LHPP: variants seen among roughly 807,000 people sequenced by gnomAD.
LHPP encodes the protein hLHPP.
Under a neutral mutation model 30.3 loss-of-function variants are expected in LHPP, and 24 were observed. The ratio of observed to expected loss-of-function variants is 0.79; its 90% confidence interval spans 0.57 to 1.11. LHPP has a LOEUF of 1.11. LHPP is among the 50% of genes most tolerant of loss of function. LHPP has a pLI of 0.00. For synonymous variants in LHPP, 150 were observed against 157.1 expected (o/e 0.95, Z 0.34); for missense variants, 356 against 367.2 (o/e 0.97, Z 0.25).
chr10:124,484,419 C>T, intron 2 of LHPP, 93 bp downstream of exon 2: 1 of 1,232,858 alleles, frequency 8.1e-7, no homozygotes, highest in Non-Finnish European at 1.2e-6. Flanking sequence ...CTGGGCCAAA[C>T]CACTGACTGA....
chr10:124,578,522 C>T (rs1589688639), intron 6 of LHPP, among the ~76,000 whole-genome samples: 1 of 152,248 alleles, frequency 6.6e-6, no homozygotes, highest in East Asian at 1.9e-4. Context: ...ACGGTTACCA[C>T]TGGTGTGACG....
chr10:124,583,119 TTAAAGCATA>T (rs1948762125), intron 6 of LHPP, among the ~76,000 whole-genome samples: 1 of 152,218 alleles, frequency 6.6e-6, no homozygotes, highest in African/African-American at 2.4e-5. Context: ...ATGTTGTTTT[TTAAAGCATA>T]AAAGTTTTTA....
intron 6 of LHPP, among the ~76,000 whole-genome samples, chr10:124,534,833 G>T (rs772192368): frequency 3.9e-5 from 6 of 152,200 alleles, no homozygotes; most frequent in Non-Finnish European, 7.4e-5. Flanking sequence ...TGACCTGACC[G>T]TATAAAGTAG....
At chr10:124,572,359 G>A (rs1163713060) in intron 6 of LHPP, among the ~76,000 whole-genome samples, 7 of 152,052 alleles carry the variant, frequency 4.6e-5, no homozygotes, top group Non-Finnish European at 7.4e-5. Flanking sequence ...GACCAGGTGC[G>A]GTGGCTCACG....
chr10:124,608,717 C>T (rs1199290487), intron 6 of LHPP, among the ~76,000 whole-genome samples: 1 of 152,240 alleles, frequency 6.6e-6, no homozygotes, highest in East Asian at 1.9e-4. Context: ...ACCTGCCTAC[C>T]CAGCTTGCCG....
chr10:124,488,447 C>A lies in LHPP; in HGVS notation c.339C>A (p.Ile113=). The A allele has an allele frequency of 6.2e-7, 1 of 1,613,970 alleles. No homozygotes were observed. The highest frequency in any genetic ancestry group is 8.5e-7 in the Non-Finnish European group (1 of 1,179,968). ...HDGVRSEFDQ[I]DTSNPNCVVI... The stretch of plus-strand genomic sequence containing the variant: ...GAGTCCGCTCAGAATTTGATCAGAT[C>A]GACACATCCAACCCAAACTGTGTGG... Residue 113 remains isoleucine (I), a synonymous_variant, in exon 3 of 7, where the codon ATC becomes ATA. Coordinates refer to ENST00000368842, the MANE Select transcript of LHPP (RefSeq NM_022126.4).
chr10:124,468,967 A>C (rs938691579), intron 1 of LHPP, among the ~76,000 whole-genome samples: 1 of 152,204 alleles, frequency 6.6e-6, no homozygotes, highest in Non-Finnish European at 1.5e-5. Flanking sequence ...CCAGAGATGC[A>C]GGACACCTGT....
chr10:124,578,258 G>C (rs573774584), intron 6 of LHPP, among the ~76,000 whole-genome samples: 12 of 152,206 alleles, frequency 7.9e-5, no homozygotes, highest in Non-Finnish European at 1.6e-4. Context: ...GACCAAGTCC[G>C]TGCAGGGGCT....
intron 6 of LHPP, among the ~76,000 whole-genome samples, chr10:124,525,792 C>T (rs1200157597): frequency 6.6e-6 from 1 of 152,194 alleles, no homozygotes; most frequent in African/African-American, 2.4e-5. Flanking sequence ...TGGTACTGAC[C>T]CTCATTAGCA....
At chr10:124,568,535 G>A (rs55791820) in intron 6 of LHPP, among the ~76,000 whole-genome samples, 5 of 152,156 alleles carry the variant, frequency 3.3e-5, no homozygotes, top group African/African-American at 7.2e-5. Context: ...CCGCGGTGGC[G>A]TGGAGAGGTG....
At chr10:124,546,527 C>T (rs542594770) in intron 6 of LHPP, among the ~76,000 whole-genome samples, 6 of 152,166 alleles carry the variant, frequency 3.9e-5, no homozygotes, top group Non-Finnish European at 5.9e-5. Flanking sequence ...CTCACCCTCC[C>T]GAGTAGCTGG....
intron 4 of LHPP, 43 bp downstream of exon 4, chr10:124,497,067 G>C (rs1480367252): frequency 1.3e-6 from 2 of 1,528,202 alleles, no homozygotes; most frequent in Non-Finnish European, 1.8e-6. Context: ...CAGACCTCAG[G>C]GCACCTGGGA....
At chr10:124,508,639 T>C (rs2133897705) in intron 5 of LHPP, among the ~76,000 whole-genome samples, 1 of 152,088 alleles carries the variant, frequency 6.6e-6, no homozygotes, top group East Asian at 1.9e-4. Flanking sequence ...AACACAAGTA[T>C]TTAAAATATC....
intron 5 of LHPP, among the ~76,000 whole-genome samples, chr10:124,509,982 G>A (rs184038631): frequency 6.6e-6 from 1 of 152,240 alleles, no homozygotes; most frequent in Non-Finnish European, 1.5e-5. Context: ...GGGCAGGCAG[G>A]CAGATGCGTA....
chr10:124,611,022 AGGGTGCTGATGGAGCGGGTGC>A (rs1230351444), intron 6 of LHPP, among the ~76,000 whole-genome samples: 1 of 112,954 alleles, frequency 8.9e-6, no homozygotes, highest in Non-Finnish European at 2.0e-5. Flanking sequence ...GGTGCGGGTG[AGGGTGCTGATGGAGCGGGTGC>A]GGGTGAGGGG....
At chr10:124,498,155 CA>C (rs751604342) in intron 5 of LHPP, 27 bp downstream of exon 5, 7 of 1,407,996 alleles carry the variant, frequency 5.0e-6, no homozygotes, top group Non-Finnish European at 6.9e-6. Context: ...TGAAGTGGGT[CA>C]GGGGAGGCAG....
In LHPP at chr10:124,508,114, AG is replaced by A. The variant is rs1564798870; in HGVS notation, c.625-9061del. 6.6e-5 allele frequency among the ~76,000 whole-genome samples: 10 copies of A among 152,050 alleles called. No individual in the cohort carries two copies. In the South Asian group the frequency reaches 1.9e-3, roughly 28 times the overall value. Reference sequence around the variant, plus strand: ...GGGTCTGGGGACAGTCTGTACCCCTAGGGGGAGGCTGGTGAGTGGGGAGTAC... The same window carrying A: ...GGGTCTGGGGACAGTCTGTACCCCTAGGGGAGGCTGGTGAGTGGGGAGTAC... On this transcript the variant is annotated intron_variant, in intron 5 of 6. Coordinates refer to ENST00000368842, the MANE Select transcript of LHPP (RefSeq NM_022126.4).
chr10:124,480,500 C>T (rs1696875290), intron 1 of LHPP, among the ~76,000 whole-genome samples: 1 of 152,146 alleles, frequency 6.6e-6, no homozygotes, highest in African/African-American at 2.4e-5. Context: ...GCTCACTGTT[C>T]TGAGAAGGTC....
intron 6 of LHPP, chr10:124,612,950 G>A (rs911384970): frequency 7.0e-6 from 3 of 429,414 alleles, no homozygotes; most frequent in East Asian, 4.5e-5. Context: ...CACCATCCAA[G>A]GTGAGATGTC....
Sources: allele counts gnomAD v4.1 joint callset (sites outside exome capture counted in the v4.1 genomes callset), GRCh38; gene constraint gnomAD v4.1.1; transcripts MANE v1.5; gene names NCBI Gene and HGNC (gene_info 2026-07-23, HGNC 2026-07-21).